Variants in FRMD6 observed in about 807,000 individuals in gnomAD.
FRMD6 encodes the protein FERM domain containing 6.
Under a neutral mutation model 73.2 loss-of-function variants are expected in FRMD6, and 37 were observed. That is an observed-to-expected ratio of 0.51 (90% confidence interval 0.39 to 0.66). FRMD6 has a LOEUF of 0.66. Ranked by LOEUF, FRMD6 falls within the 30% of genes least tolerant of loss-of-function variation. The pLI, the probability that FRMD6 is intolerant of heterozygous loss-of-function variation, is 0.00. For synonymous variants in FRMD6, 273 were observed against 282.2 expected (o/e 0.97, Z 0.33); for missense variants, 714 against 780.5 (o/e 0.91, Z 1.02).
chr14:51,485,872 G>A (rs1182763557), upstream of FRMD6, among the ~76,000 whole-genome samples: 1 of 152,120 alleles, frequency 6.6e-6, no homozygotes, highest in Admixed American at 6.5e-5. Flanking sequence ...CAAGCCCAGA[G>A]CATTTTAACA....
At chr14:51,641,747 C>T (rs148058082) in intron 2 of FRMD6, among the ~76,000 whole-genome samples, 9 of 152,248 alleles carry the variant, frequency 5.9e-5, no homozygotes, top group Middle Eastern at 6.8e-3. Context: ...GCTTTCAAGT[C>T]GGGGCAGCAA....
At chr14:51,525,279 T>C (rs1166027594) in intron 1 of FRMD6, among the ~76,000 whole-genome samples, 1 of 152,040 alleles carries the variant, frequency 6.6e-6, no homozygotes, top group East Asian at 1.9e-4. Flanking sequence ...TATTTATTTA[T>C]TTTTTTGAGT....
intron 7 of FRMD6, 44 bp from the exon 8 acceptor site, chr14:51,711,487 A>G: frequency 7.5e-7 from 1 of 1,338,328 alleles, no homozygotes; most frequent in South Asian, 1.3e-5. Flanking sequence ...TGTAGAAAAA[A>G]TATATAAAAA....
At chr14:51,722,132 GA>G in intron 12 of FRMD6, 52 bp downstream of exon 12, 1 of 1,599,734 alleles carries the variant, frequency 6.3e-7, no homozygotes. Context: ...ATCCAGGACT[GA>G]AAAACACATG....
chr14:51,421,364 C>A, the FRMD6 span, among the ~76,000 whole-genome samples: 1 of 152,098 alleles, frequency 6.6e-6, no homozygotes, highest in African/African-American at 2.4e-5. Context: ...AAGTTAAAGC[C>A]CTTCAAGACT....
At chr14:51,456,742 A>G in the FRMD6 span, among the ~76,000 whole-genome samples, 1 of 152,216 alleles carries the variant, frequency 6.6e-6, no homozygotes. Context: ...AAGATACAGA[A>G]TCAACTTAAG....
At chr14:51,719,159 T>C (rs1202561684) in intron 10 of FRMD6, among the ~76,000 whole-genome samples, 1 of 152,218 alleles carries the variant, frequency 6.6e-6, no homozygotes, top group African/African-American at 2.4e-5. Context: ...AAGAATAATA[T>C]TTTTGTGTCA....
At chr14:51,702,183 CA>C (rs1401254203) in intron 4 of FRMD6, among the ~76,000 whole-genome samples, 1 of 152,028 alleles carries the variant, frequency 6.6e-6, no homozygotes, top group Non-Finnish European at 1.5e-5. Flanking sequence ...CCACAGGGAA[CA>C]GAGCTGAGCG....
intron 2 of FRMD6, among the ~76,000 whole-genome samples, chr14:51,620,290 A>G (rs1200175922): frequency 6.6e-6 from 1 of 152,214 alleles, no homozygotes; most frequent in Non-Finnish European, 1.5e-5. Context: ...AAAGAAATCC[A>G]TCAAGGGCAG....
the FRMD6 span, among the ~76,000 whole-genome samples, chr14:51,450,643 A>G: frequency 6.6e-6 from 1 of 152,194 alleles, no homozygotes; most frequent in Non-Finnish European, 1.5e-5. Context: ...AGTTTTCTCA[A>G]GAGAATCTAG....
chr14:51,621,081 G>A (rs1476617964), intron 2 of FRMD6, among the ~76,000 whole-genome samples: 1 of 152,120 alleles, frequency 6.6e-6, no homozygotes, highest in Admixed American at 6.5e-5. Context: ...ACACAGAGTG[G>A]CATTTAACCA....
At position 51,728,131 on chromosome 14, in the gene FRMD6, A is replaced by C; in HGVS notation, c.*102A>C. 1.9e-6 allele frequency: 2 copies of C among 1,030,086 alleles called. No homozygotes were observed. Among genetic ancestry groups the C allele is most frequent in the South Asian group, 3.4e-5 (2 of 59,274 alleles). 63.8% of individuals were successfully genotyped at this position (1,030,086 alleles called of 1,614,324 possible). On this transcript the variant is annotated 3_prime_UTR_variant, in exon 14 of 14. Transcript: ENST00000344768. Reference sequence around the variant, plus strand: ...ACTTGTGCCATATCTTCTTCACCCTAAACATAGCTCTTTCTTTATAATATT... The same window carrying C: ...ACTTGTGCCATATCTTCTTCACCCTCAACATAGCTCTTTCTTTATAATATT...
At chr14:51,511,495 GC>G (rs1178313537) in intron 1 of FRMD6, among the ~76,000 whole-genome samples, 1 of 152,204 alleles carries the variant, frequency 6.6e-6, no homozygotes, top group African/African-American at 2.4e-5. Flanking sequence ...TGGTTTACAA[GC>G]CATCAATGCT....
At chr14:51,554,088 T>C (rs1293221989) in intron 1 of FRMD6, among the ~76,000 whole-genome samples, 2 of 151,888 alleles carry the variant, frequency 1.3e-5, no homozygotes, top group African/African-American at 4.8e-5. Context: ...AAGCAAGTTC[T>C]AAAACAAAAC....
At chr14:51,549,958 C>T (rs1413957318) in intron 1 of FRMD6, among the ~76,000 whole-genome samples, 1 of 152,186 alleles carries the variant, frequency 6.6e-6, no homozygotes, top group Non-Finnish European at 1.5e-5. Context: ...CTGCCCCCAG[C>T]ACATGTCCGC....
chr14:51,617,860 A>T (rs1218138047), intron 2 of FRMD6, among the ~76,000 whole-genome samples: 1 of 152,138 alleles, frequency 6.6e-6, no homozygotes, highest in Non-Finnish European at 1.5e-5. Flanking sequence ...GTCAATATGT[A>T]CCTTAATTTA....
chr14:51,672,913 T>TA (rs1309296457), intron 1 of FRMD6, among the ~76,000 whole-genome samples: 1 of 152,196 alleles, frequency 6.6e-6, no homozygotes, highest in Non-Finnish European at 1.5e-5. Flanking sequence ...TAAGTGTAGA[T>TA]AAGTTACTTG....
chr14:51,566,934 T>G (rs1034200226), intron 1 of FRMD6, among the ~76,000 whole-genome samples: 6 of 152,182 alleles, frequency 3.9e-5, no homozygotes, highest in Admixed American at 3.9e-4. Flanking sequence ...AGGCCCCCTA[T>G]GCAGGAGGCT....
rs752277577 is a variant in FRMD6 at position 51,698,252 on chromosome 14, CTGA to C, written c.190+23_190+25del. 7 of 1,552,702 alleles carry C rather than the reference CTGA, an allele frequency of 4.5e-6. No individual in the cohort carries two copies. Among genetic ancestry groups the C allele is most frequent in the East Asian group, 2.3e-5 (1 of 44,390 alleles). ...TACAAAGTAAGTCTTAGAGCCCTCT[CTGA>C]TGGATTTAGCCAACTATCCCTGAGG... On this transcript the variant is annotated intron_variant, in intron 3 of 13. Transcript: ENST00000344768.
Sources: allele counts gnomAD v4.1 joint callset (sites outside exome capture counted in the v4.1 genomes callset), GRCh38; gene constraint gnomAD v4.1.1; transcripts MANE v1.5; gene names NCBI Gene and HGNC (gene_info 2026-07-23, HGNC 2026-07-21).